FKBPL: variants seen among roughly 807,000 people sequenced by gnomAD.
The protein encoded by FKBPL is FKBP prolyl isomerase like, also known as FK506-binding protein-like.
A neutral mutation model predicts 27.9 loss-of-function variants in FKBPL; 31 were observed. That is an observed-to-expected ratio of 1.11 (90% CI 0.83 to 1.50). The LOEUF (loss-of-function observed/expected upper bound fraction) is 1.50. Among genes scored for constraint, FKBPL ranks in the 40% most tolerant of loss-of-function variants. The pLI is 0.00. For missense variants in FKBPL, 355 were observed against 425.9 expected (o/e 0.83, Z 1.46); for synonymous variants, 134 against 169.5 (o/e 0.79, Z 1.63).
Position 32,129,876 on chromosome 6 carries a change from G to T in FKBPL, c.-74-22C>A. ...GCACCTGAAAAGAAAACCAAACAATGCTAATAGCAGGGTTCTTATTTAGAC... is the reference window on the plus strand; with the variant it reads ...GCACCTGAAAAGAAAACCAAACAATTCTAATAGCAGGGTTCTTATTTAGAC... On this transcript the variant is annotated intron_variant, in intron 1 of 1. Coordinates refer to ENST00000375156, the MANE Select transcript of FKBPL (RefSeq NM_022110.4). This position sits in a 1 kb window ranked among gnomAD's most constrained non-coding sequence, Gnocchi z 4.5. 1 of 1,068,082 alleles carries T rather than the reference G, an allele frequency of 9.4e-7. No individual in the cohort carries two copies. The highest frequency in any genetic ancestry group is 1.4e-6 in the Non-Finnish European group (1 of 705,852). 66.2% of individuals were successfully genotyped at this position (1,068,082 alleles called of 1,614,324 possible).
Position 32,129,183 on chromosome 6 carries a change from C to G in FKBPL, c.598G>C (p.Glu200Gln), listed in dbSNP as rs368969556. 5 of 1,614,142 alleles carry G rather than the reference C, an allele frequency of 3.1e-6. No individual in the cohort carries two copies. Among genetic ancestry groups the G allele is most frequent in the Non-Finnish European group, 4.2e-6 (5 of 1,180,052 alleles). Residue 200 changes from glutamate to glutamine, a missense_variant, in exon 2 of 2, where the codon GAG becomes CAG. Physicochemically the swap from Glu to Gln is conservative, Grantham distance 29 (BLOSUM62 2). Transcript: ENST00000375156. The surrounding 1 kb of genome is among the most constrained non-coding windows in gnomAD (Gnocchi z 4.5). ...ASFTQGRDSW[E>Q]LETSEKEALA... ...GCTTCCTTCTCGCTAGTCTCCAGCT[C>G]CCAGGAGTCTCGGCCTTGAGTGAAG...
Position 32,129,015 on chromosome 6 carries a change from CATGAAG to C in FKBPL, c.760_765del (p.Leu254_His255del). On this transcript the variant is annotated inframe_deletion, in exon 2 of 2. Coordinates refer to ENST00000375156, the MANE Select transcript of FKBPL (RefSeq NM_022110.4). The surrounding 1 kb of genome is among the most constrained non-coding windows in gnomAD (Gnocchi z 4.5). ...AACAACTGACAGGCAGCCAGATTGG[CATGAAG>C]GACAGTTCGTTCTGGAGGGCCAGGT... 1.2e-6 allele frequency: 2 copies of C among 1,614,206 alleles called. No homozygotes were observed. Among genetic ancestry groups the C allele is most frequent in the Non-Finnish European group, 1.7e-6 (2 of 1,180,026 alleles).
rs1316135629 is a variant in FKBPL, at chr6:32,129,690, A to T, written c.91T>A (p.Ser31Thr). 6.2e-7 allele frequency: 1 copy of T among 1,613,940 alleles called. No individual in the cohort carries two copies. Among genetic ancestry groups the T allele is most frequent in the East Asian group, 2.2e-5 (1 of 44,894 alleles). ...GGCTGCTGCCTAATCTGAATAACTG[A>T]ATCAAGGTTCTCCCGAAGGTTCTTT... Reference protein sequence around the residue: ...WEKNLRENLDSVIQIRQQPRD... With the variant: ...WEKNLRENLDTVIQIRQQPRD... The change falls in exon 2 of 2, where the codon TCA becomes ACA. Residue 31 changes from serine (S) to threonine (T), a missense_variant. By Grantham distance (58) the Ser-to-Thr change is moderately conservative. Transcript: ENST00000375156. This position sits in a 1 kb window ranked among gnomAD's most constrained non-coding sequence, Gnocchi z 4.5.
At position 32,128,766 on chromosome 6, in the gene FKBPL, C is replaced by G; in HGVS notation, c.1015G>C (p.Gly339Arg). 1 of 1,614,244 alleles carries G rather than the reference C, an allele frequency of 6.2e-7. No individual in the cohort carries two copies. Among genetic ancestry groups the G allele is most frequent in the East Asian group, 2.2e-5 (1 of 44,888 alleles). The change falls in exon 2 of 2, where the codon GGG becomes CGG. Residue 339 changes from glycine to arginine, a missense_variant. By Grantham distance (125) the Gly-to-Arg change is moderately radical. Coordinates refer to ENST00000375156, the MANE Select transcript of FKBPL (RefSeq NM_022110.4). ...VVIQGKNQDA[G>R]LAQGLRKMFG ...ATCTTGCGCAGACCCTGAGCCAGCC[C>G]TGCATCCTGGTTCTTCCCCTGAATG...
Position 32,129,014 on chromosome 6 carries a change from G to T in FKBPL, c.767C>A (p.Ala256Asp). 6.2e-7 allele frequency: 1 copy of T among 1,614,186 alleles called. No individual in the cohort carries two copies. Among genetic ancestry groups the T allele is most frequent in the Non-Finnish European group, 8.5e-7 (1 of 1,180,012 alleles). The change falls in exon 2 of 2, where the codon GCC becomes GAC. Residue 256 changes from alanine (A) to aspartate (D), a missense_variant. Transcript: ENST00000375156. The surrounding 1 kb of genome is among the most constrained non-coding windows in gnomAD (Gnocchi z 4.5). ...PGPPERTVLH[A>D]NLAACQLLLG... ...CAACAACTGACAGGCAGCCAGATTG[G>T]CATGAAGGACAGTTCGTTCTGGAGG... is the stretch of plus-strand genomic sequence containing the variant.
In FKBPL at chr6:32,129,626, C is replaced by T; in HGVS notation, c.155G>A (p.Ser52Asn). Residue 52 changes from serine to asparagine, a missense_variant, in exon 2 of 2, where the codon AGC (serine) becomes AAC (asparagine). Transcript: ENST00000375156. This position sits in a 1 kb window ranked among gnomAD's most constrained non-coding sequence, Gnocchi z 4.5. ...PPTETLELEV[S>N]PDPASQILEH... is the part of the protein sequence containing the mutation. ...TAGAATTTGGCTGGCTGGATCTGGG[C>T]TTACTTCCAGCTCAAGCGTTTCGGT... 1 of 1,614,180 alleles carries T rather than the reference C, an allele frequency of 6.2e-7. No individual in the cohort carries two copies. The highest frequency in any genetic ancestry group is 8.5e-7 in the Non-Finnish European group (1 of 1,180,030).
chr6:32,128,975 T>C lies in FKBPL; in HGVS notation c.806A>G (p.Gln269Arg), dbSNP rs375458609. ...CCGGTCACAGCTCTGGGCTGCCAACTGAGGCTGCCCTAGCAACAACTGACA... is the reference window on the plus strand; with the variant it reads ...CCGGTCACAGCTCTGGGCTGCCAACCGAGGCTGCCCTAGCAACAACTGACA... Reference protein sequence around the residue: ...AACQLLLGQPQLAAQSCDRVL... With the variant: ...AACQLLLGQPRLAAQSCDRVL... The change falls in exon 2 of 2, where the codon CAG becomes CGG. Residue 269 changes from glutamine (Q) to arginine (R), a missense_variant. Transcript: ENST00000375156. 1 of 1,613,874 alleles carries C rather than the reference T, an allele frequency of 6.2e-7. No homozygotes were observed. Among genetic ancestry groups the C allele is most frequent in the African/African-American group, 1.3e-5 (1 of 74,942 alleles).
Position 32,129,455 on chromosome 6 carries a change from A to G in FKBPL, c.326T>C (p.Val109Ala), listed in dbSNP as rs376123905. Residue 109 changes from valine (V) to alanine (A), a missense_variant, in exon 2 of 2, where the codon GTA becomes GCA. Val to Ala is a moderately conservative substitution (Grantham distance 64, BLOSUM62 0). Transcript: ENST00000375156. The surrounding 1 kb of genome is among the most constrained non-coding windows in gnomAD (Gnocchi z 4.5). ...CPDGSFVKKI[V>A]IRGHGLDKPK... ...TTTGTCCAAGCCATGGCCACGGATT[A>G]CGATCTTCTTGACAAAGCTCCCATC... 6.2e-7 allele frequency: 1 copy of G among 1,614,244 alleles called. No homozygotes were observed. The highest frequency in any genetic ancestry group is 1.1e-5 in the South Asian group (1 of 91,090).
intron 1 of FKBPL, 47 bp downstream of exon 1, chr6:32,130,048 T>C: frequency 1.7e-6 from 1 of 579,314 alleles, no homozygotes. Context: ...TCCCTGCGGT[T>C]AAGGTAGCCG....
In FKBPL at chr6:32,130,244, C is replaced by CG. The variant is rs1782189752; in HGVS notation, c.-225dup. ...CCGGAGAGGGGCGCGGTGCGGGAGG[C>CG]GGGGGTAGGGGGCGGAACAACTGGG... On this transcript the variant is annotated 5_prime_UTR_variant, in exon 1 of 2. Coordinates refer to ENST00000375156, the MANE Select transcript of FKBPL (RefSeq NM_022110.4). 1 of 187,922 alleles carries CG rather than the reference C, an allele frequency of 5.3e-6. No homozygotes were observed. The highest frequency in any genetic ancestry group is 5.5e-5 in the Admixed American group (1 of 18,272). 11.6% of individuals were successfully genotyped at this position (187,922 alleles called of 1,614,324 possible).
chr6:32,129,554 T>G lies in FKBPL; in HGVS notation c.227A>C (p.Asp76Ala). 1 of 1,609,278 alleles carries G rather than the reference T, an allele frequency of 6.2e-7. No individual in the cohort carries two copies. The highest frequency in any genetic ancestry group is 8.5e-7 in the Non-Finnish European group (1 of 1,179,022). The change falls in exon 2 of 2, where the codon GAC becomes GCC. Residue 76 changes from aspartate to alanine, a missense_variant. Asp to Ala is a moderately radical substitution (Grantham distance 126, BLOSUM62 -2). Coordinates refer to ENST00000375156, the MANE Select transcript of FKBPL (RefSeq NM_022110.4). The surrounding 1 kb of genome is among the most constrained non-coding windows in gnomAD (Gnocchi z 4.5). ...AEKLVAELEG[D>A]SHKSHGSTSQ... is the part of the protein sequence containing the mutation. ...GGTTGATCCATGAGACTTATGAGAG[T>G]CTCCTTCAAGTTCAGCAACCAGTTT...
chr6:32,129,512 G>GT lies in FKBPL; in HGVS notation c.268_269insA (p.Ala90AspfsTer6). The GT allele has an allele frequency of 6.2e-7, 1 of 1,614,230 alleles. No individual in the cohort carries two copies. The highest frequency in any genetic ancestry group is 1.3e-5 in the African/African-American group (1 of 75,068). On this transcript the variant is annotated frameshift_variant, in exon 2 of 2. Transcript: ENST00000375156. LOFTEE classifies it high-confidence loss of function. The surrounding 1 kb of genome is among the most constrained non-coding windows in gnomAD (Gnocchi z 4.5). ...GTACCAGAGATCAGAAGCTTGAAGG[G>GT]CCTCTGGCATCTGACTGGTTGATCC...
Position 32,130,149 on chromosome 6 carries a change from A to T in FKBPL, c.-129T>A. 1 of 315,704 alleles carries T rather than the reference A, an allele frequency of 3.2e-6. No individual in the cohort carries two copies. 19.6% of individuals were successfully genotyped at this position (315,704 alleles called of 1,614,324 possible). On this transcript the variant is annotated 5_prime_UTR_variant, in exon 1 of 2. Coordinates refer to ENST00000375156, the MANE Select transcript of FKBPL (RefSeq NM_022110.4). ...CAGGAGGAGCCGGGCCATTCGAATC[A>T]CCTCTCCTTCCAAAGCTAAATGGCT... is the stretch of plus-strand genomic sequence containing the variant.
Position 32,128,970 on chromosome 6 carries a change from C to A in FKBPL, c.811G>T (p.Ala271Ser), listed in dbSNP as rs771851395. Residue 271 changes from alanine (A) to serine (S), a missense_variant, in exon 2 of 2, where the codon GCA becomes TCA. Ala to Ser is a moderately conservative substitution (Grantham distance 99). Coordinates refer to ENST00000375156, the MANE Select transcript of FKBPL (RefSeq NM_022110.4). Reference sequence around the variant, plus strand: ...AACACCCGGTCACAGCTCTGGGCTGCCAACTGAGGCTGCCCTAGCAACAAC... The same window carrying A: ...AACACCCGGTCACAGCTCTGGGCTGACAACTGAGGCTGCCCTAGCAACAAC... ...CQLLLGQPQL[A>S]AQSCDRVLER... is the part of the protein sequence containing the mutation. 3 of 1,613,978 alleles carry A rather than the reference C, an allele frequency of 1.9e-6. No individual in the cohort carries two copies. Among genetic ancestry groups the A allele is most frequent in the Admixed American group, 1.7e-5 (1 of 60,016 alleles).
rs761601745 is a variant in FKBPL at position 32,128,813 on chromosome 6, T to C, written c.968A>G (p.Gln323Arg). ...LAIDPKNRAA[Q>R]EELGKVVIQG... is the part of the protein sequence containing the mutation. ...AATGACCACCTTCCCCAGTTCCTCC[T>C]GGGCTGCCCGGTTTTTGGGATCTAT... Residue 323 changes from glutamine to arginine, a missense_variant, in exon 2 of 2, where the codon CAG (glutamine) becomes CGG (arginine). Transcript: ENST00000375156. 1 of 1,614,260 alleles carries C rather than the reference T, an allele frequency of 6.2e-7. No homozygotes were observed. Among genetic ancestry groups the C allele is most frequent in the South Asian group, 1.1e-5 (1 of 91,088 alleles).
chr6:32,129,134 C>T lies in FKBPL; in HGVS notation c.647G>A (p.Arg216Lys), dbSNP rs1782133600. The change falls in exon 2 of 2, where the codon AGG becomes AAG. Residue 216 changes from arginine (R) to lysine (K), a missense_variant. By Grantham distance (26) the Arg-to-Lys change is conservative. Transcript: ENST00000375156. The surrounding 1 kb of genome is among the most constrained non-coding windows in gnomAD (Gnocchi z 4.5). ...CCCAGCTCGAAATAGTTCTGTGCCC[C>T]TTGCACGTTCTTCCCTGGCCAGGGC... ...KEALAREERA[R>K]GTELFRAGNP... is the part of the protein sequence containing the mutation. The T allele has an allele frequency of 6.2e-7, 1 of 1,614,126 alleles. No individual in the cohort carries two copies.
Position 32,129,288 on chromosome 6 carries a change from C to T in FKBPL, c.493G>A (p.Glu165Lys), listed in dbSNP as rs1158474775. Reference protein sequence around the residue: ...TWGELIEKCLESMCQGEEAEL... With the variant: ...TWGELIEKCLKSMCQGEEAEL... ...GCTTCCTCACCTTGACACATGGACT[C>T]CAAGCATTTCTCTATGAGCTCCCCC... Residue 165 changes from glutamate to lysine, a missense_variant, in exon 2 of 2, where the codon GAG becomes AAG. By Grantham distance (56) the Glu-to-Lys change is moderately conservative. Transcript: ENST00000375156. The surrounding 1 kb of genome is among the most constrained non-coding windows in gnomAD (Gnocchi z 4.5). 1 of 1,614,214 alleles carries T rather than the reference C, an allele frequency of 6.2e-7. No homozygotes were observed. The highest frequency in any genetic ancestry group is 8.5e-7 in the Non-Finnish European group (1 of 1,180,042).
chr6:32,129,068 C>A lies in FKBPL; in HGVS notation c.713G>T (p.Arg238Leu). ...GAARCYGRAL[R>L]LLLTLPPPGP... The stretch of plus-strand genomic sequence containing the variant: ...AGGTGGGGGTAAAGTCAGGAGCAGC[C>A]GAAGAGCCCGTCCATAGCATCGGGC... The change falls in exon 2 of 2, where the codon CGG (arginine) becomes CTG (leucine). Residue 238 changes from arginine to leucine, a missense_variant. Transcript: ENST00000375156. The surrounding 1 kb of genome is among the most constrained non-coding windows in gnomAD (Gnocchi z 4.5). The A allele has an allele frequency of 6.2e-7, 1 of 1,614,224 alleles. No homozygotes were observed. The highest frequency in any genetic ancestry group is 8.5e-7 in the Non-Finnish European group (1 of 1,180,038).
chr6:32,129,314 C>T lies in FKBPL; in HGVS notation c.467G>A (p.Trp156Ter). The T allele has an allele frequency of 1.9e-6, 3 of 1,614,276 alleles. No homozygotes were observed. Among genetic ancestry groups the T allele is most frequent in the Non-Finnish European group, 2.5e-6 (3 of 1,180,048 alleles). The change falls in exon 2 of 2, where the codon TGG becomes TAG. Residue 156 changes from tryptophan (W) to a stop codon, truncating the protein, a stop_gained. Coordinates refer to ENST00000375156, the MANE Select transcript of FKBPL (RefSeq NM_022110.4). LOFTEE classifies it high-confidence loss of function. The surrounding 1 kb of genome is among the most constrained non-coding windows in gnomAD (Gnocchi z 4.5). ...CAAGCATTTCTCTATGAGCTCCCCC[C>T]AAGTTTCCTCCCTCCATGGCCCTAC... ...MGVGPWREETWGELIEKCLES... is the reference protein window; with the variant it reads ...MGVGPWREET
Sources: gnomAD v4.1 joint callset for allele counts on GRCh38, gnomAD v4.1.1 for gene constraint, Gnocchi (gnomAD v3.1) non-coding constraint, MANE v1.5 for transcripts, NCBI Gene and HGNC (gene_info 2026-07-23, HGNC 2026-07-21) for gene names.